Variants in DNM1L observed in about 807,000 individuals in gnomAD.
DNM1L encodes dynamin-1-like protein.
In DNM1L, 33 loss-of-function variants were observed where a neutral mutation model predicts 92.8. The observed-to-expected ratio is 0.36, with a 90% CI of 0.27 to 0.48. The LOEUF is 0.48. Ranked by LOEUF, DNM1L falls within the 20% of genes least tolerant of loss-of-function variation. The pLI is 0.99. For synonymous variants in DNM1L, 284 were observed against 305.0 expected (o/e 0.93, Z 0.72); for missense variants, 485 against 888.8 (o/e 0.55, Z 5.78).
chr12:32,685,012 T>G (rs1365304176), intron 1 of DNM1L, among the ~76,000 whole-genome samples: 1 of 151,262 alleles, frequency 6.6e-6, no homozygotes, highest in Non-Finnish European at 1.5e-5. Context: ...TGATCTTGGC[T>G]CACCGCAAGC....
intron 1 of DNM1L, among the ~76,000 whole-genome samples, chr12:32,683,838 C>A (rs774336280): frequency 3.3e-5 from 5 of 152,026 alleles, no homozygotes; most frequent in Non-Finnish European, 7.4e-5. Flanking sequence ...CCACTGTGCT[C>A]GGCCTAATTT....
intron 19 of DNM1L, 33 bp from the exon 20 acceptor site, chr12:32,743,321 T>C (rs1955449413): frequency 6.3e-7 from 1 of 1,594,564 alleles, no homozygotes; most frequent in Non-Finnish European, 8.6e-7. Context: ...AACTTTATAA[T>C]AAGCATTTAA....
intron 2 of DNM1L, chr12:32,705,703 T>C: frequency 1.1e-6 from 1 of 882,306 alleles, no homozygotes. Flanking sequence ...AAATTTTGAA[T>C]AATTGAATGC....
At chr12:32,715,642 G>C (rs1306163415) in intron 6 of DNM1L, among the ~76,000 whole-genome samples, 1 of 152,068 alleles carries the variant, frequency 6.6e-6, no homozygotes, top group African/African-American at 2.4e-5. Flanking sequence ...TGAGACATGA[G>C]AATCACTTGA....
intron 1 of DNM1L, among the ~76,000 whole-genome samples, chr12:32,681,248 C>A (rs191264896): frequency 6.6e-6 from 1 of 152,262 alleles, no homozygotes; most frequent in Admixed American, 6.5e-5. Flanking sequence ...TTATTTCCAT[C>A]TAAGTTCTTA....
chr12:32,710,847 C>A, intron 4 of DNM1L, 82 bp from the exon 5 acceptor site: 1 of 1,128,802 alleles, frequency 8.9e-7, no homozygotes, highest in Non-Finnish European at 1.3e-6. Context: ...TTTTTAAAAG[C>A]ATTAATGTCT....
intron 16 of DNM1L, among the ~76,000 whole-genome samples, chr12:32,739,155 GAC>G (rs3044472): frequency 0.15 from 23,404 of 151,978 alleles, 1,893 homozygotes; most frequent in Middle Eastern, 0.21. Flanking sequence ...ACATACTAAA[GAC>G]AGATTTTAGC....
rs2137609666 is a variant in DNM1L at position 32,742,390 on chromosome 12, C to G, written c.1995-199C>G. 1.3e-5 allele frequency among the ~76,000 whole-genome samples: 2 copies of G among 152,326 alleles called. 1 individual carries two copies. ...GAGTGCTGGGATTACAGGCATGAGC[C>G]ACTGCGCCTGGCCGAGAACTGCTTT... On this transcript the variant is annotated intron_variant, in intron 18 of 19. Coordinates refer to ENST00000549701, the MANE Select transcript of DNM1L (RefSeq NM_012062.5).
chr12:32,718,502 TA>T, intron 6 of DNM1L, 140 bp from the exon 7 acceptor site: 1 of 1,043,748 alleles, frequency 9.6e-7, no homozygotes, highest in Non-Finnish European at 1.4e-6. Flanking sequence ...CACTGGTAAG[TA>T]AGGCATTACC....
At chr12:32,722,940 A>G (rs1250061451) in intron 9 of DNM1L, among the ~76,000 whole-genome samples, 3 of 151,882 alleles carry the variant, frequency 2.0e-5, no homozygotes, top group East Asian at 1.9e-4. Context: ...TTTAGCTTTT[A>G]AAGTGTTTGT....
At chr12:32,696,548 T>C (rs1398928830) in intron 1 of DNM1L, among the ~76,000 whole-genome samples, 2 of 151,528 alleles carry the variant, frequency 1.3e-5, no homozygotes, top group African/African-American at 4.9e-5. Flanking sequence ...TGCAGTGAGC[T>C]GTGATTGCAC....
chr12:32,714,687 T>G (rs1382351508), intron 6 of DNM1L, among the ~76,000 whole-genome samples: 1 of 152,118 alleles, frequency 6.6e-6, no homozygotes, highest in African/African-American at 2.4e-5. Flanking sequence ...TACATTTTAT[T>G]TTTATTATTT....
At position 32,682,511 on chromosome 12, in the gene DNM1L, C is replaced by T. The variant is rs1048928772; in HGVS notation, c.102+3046C>T. Among the ~76,000 whole-genome samples the T allele has an allele frequency of 3.3e-5, 5 of 151,992 alleles. No homozygotes were observed. In the South Asian group the frequency reaches 1.0e-3, roughly 32 times the overall value. On this transcript the variant is annotated intron_variant, in intron 1 of 19. Coordinates refer to ENST00000549701, the MANE Select transcript of DNM1L (RefSeq NM_012062.5). ...TTATAAGCCTGGGTTGGGTGAGGGA[C>T]CATAGGTGATTCTGATACAGATGGT... is the stretch of plus-strand genomic sequence containing the variant.
chr12:32,683,706 A>G (rs1951891403), intron 1 of DNM1L, among the ~76,000 whole-genome samples: 1 of 151,308 alleles, frequency 6.6e-6, no homozygotes, highest in Non-Finnish European at 1.5e-5. Flanking sequence ...CACCACGCCC[A>G]GCTAATTTTT....
intron 1 of DNM1L, among the ~76,000 whole-genome samples, chr12:32,681,648 C>T (rs1951812668): frequency 7.3e-6 from 1 of 136,450 alleles, no homozygotes; most frequent in African/African-American, 2.7e-5. Flanking sequence ...AGAATCTCTT[C>T]TTGGTTTGAA....
At chr12:32,689,123 A>C in intron 1 of DNM1L, among the ~76,000 whole-genome samples, 1 of 152,240 alleles carries the variant, frequency 6.6e-6, no homozygotes, top group East Asian at 1.9e-4. Flanking sequence ...GAAGTGGTTT[A>C]AACTTCATAT....
rs1479373924 is a variant in DNM1L, at chr12:32,744,296, T to A, written c.*886T>A. On this transcript the variant is annotated 3_prime_UTR_variant, in exon 20 of 20. Coordinates refer to ENST00000549701, the MANE Select transcript of DNM1L (RefSeq NM_012062.5). ...TTACACCAGGCTCTAAGATTCACTT[T>A]GAGGTGGAACTTAAAACCAGTGTAC... 6.6e-6 allele frequency: 1 copy of A among 152,418 alleles called. No homozygotes were observed. Among genetic ancestry groups the A allele is most frequent in the Non-Finnish European group, 1.5e-5 (1 of 68,202 alleles). The allele number at this position is 152,418 out of a possible 1,614,324, so 9.4% of individuals were successfully genotyped here. A position where few individuals can be genotyped will look rare whatever the true frequency, so the allele number is the denominator to read the frequency against.
At chr12:32,742,464 C>CATTA in intron 18 of DNM1L, 125 bp from the exon 19 acceptor site, 2 of 1,202,746 alleles carry the variant, frequency 1.7e-6, no homozygotes, top group South Asian at 1.3e-5. Flanking sequence ...GCGATTATGC[C>CATTA]ATTAATGAAA....
Position 32,706,998 on chromosome 12 carries a change from A to G in DNM1L, c.251-369A>G, listed in dbSNP as rs1170899118. 6 of 222,034 alleles carry G rather than the reference A, an allele frequency of 2.7e-5. No individual in the cohort carries two copies. In the East Asian group the frequency reaches 7.3e-4, roughly 27 times the overall value. The allele number at this position is 222,034 out of a possible 1,614,324, so 13.8% of individuals were successfully genotyped here. ...TTATTTTCGTCAGAAAACTGCTTTT[A>G]TATGTAAGATTTTCAAAACTAAAGA... On this transcript the variant is annotated intron_variant, in intron 2 of 19. Coordinates refer to ENST00000549701, the MANE Select transcript of DNM1L (RefSeq NM_012062.5).
Sources: allele counts gnomAD v4.1 joint callset (sites outside exome capture counted in the v4.1 genomes callset), GRCh38; gene constraint gnomAD v4.1.1; transcripts MANE v1.5; gene names NCBI Gene and HGNC (gene_info 2026-07-23, HGNC 2026-07-21).